Variants in TNR observed in about 807,000 individuals in gnomAD.
TNR encodes tenascin-R.
TNR carries 45 observed loss-of-function variants against 150.4 expected under a neutral mutation model. That is an observed-to-expected ratio of 0.30 (90% CI 0.24 to 0.38). The LOEUF (loss-of-function observed/expected upper bound fraction) is 0.38, where lower values mean the gene tolerates loss of function less well. TNR is among the 10% of genes least tolerant of loss of function. The pLI is 1.00. For synonymous variants in TNR, 687 were observed against 678.4 expected (o/e 1.01, Z -0.20); for missense variants, 1,544 against 1,759.1 (o/e 0.88, Z 2.19).
intron 1 of TNR, among the ~76,000 whole-genome samples, chr1:175,579,163 TCTTTCC>T (rs1662239416): frequency 7.1e-6 from 1 of 140,878 alleles, no homozygotes; most frequent in Non-Finnish European, 1.5e-5. Flanking sequence ...CTTCGTTCCT[TCTTTCC>T]TTCCTTCCTT....
intron 2 of TNR, among the ~76,000 whole-genome samples, chr1:175,413,352 C>T (rs991607140): frequency 6.6e-6 from 1 of 152,186 alleles, no homozygotes; most frequent in African/African-American, 2.4e-5. Flanking sequence ...GTGATGCTGT[C>T]GGGCAGATTT....
Position 175,716,045 on chromosome 1 carries a change from C to T in TNR, c.-165+27181G>A, listed in dbSNP as rs183225289. The stretch of plus-strand genomic sequence containing the variant: ...ACTCTGTTGCCCATTGCCCATCCCC[C>T]GCAGACACTGGCCTTGGCTAATGCA... On this transcript the variant is annotated intron_variant, in intron 1 of 22. Coordinates refer to ENST00000367674, the MANE Select transcript of TNR (RefSeq NM_003285.3). Among the ~76,000 whole-genome samples the T allele has an allele frequency of 1.6e-4, 25 of 152,290 alleles. 1 individual carries two copies. Among genetic ancestry groups the T allele is most frequent in the African/African-American group, 4.8e-4 (20 of 41,560 alleles).
chr1:175,552,063 C>G (rs1401739099), intron 1 of TNR, among the ~76,000 whole-genome samples: 1 of 152,170 alleles, frequency 6.6e-6, no homozygotes, highest in Non-Finnish European at 1.5e-5. Context: ...AAAGTTGTTG[C>G]CCCTGAGGAA....
intron 2 of TNR, among the ~76,000 whole-genome samples, chr1:175,522,628 G>T (rs914352292): frequency 1.3e-5 from 2 of 152,106 alleles, no homozygotes; most frequent in Non-Finnish European, 2.9e-5. Flanking sequence ...AAACAATGAA[G>T]TTGACACAGT....
chr1:175,410,393 C>T (rs979518334), intron 2 of TNR, among the ~76,000 whole-genome samples: 10 of 152,228 alleles, frequency 6.6e-5, no homozygotes, highest in African/African-American at 1.9e-4. Flanking sequence ...CTCTCATTTT[C>T]ATGGAGGAGA....
intron 1 of TNR, among the ~76,000 whole-genome samples, chr1:175,573,109 G>A (rs1056206997): frequency 4.6e-5 from 7 of 152,204 alleles, no homozygotes; most frequent in South Asian, 2.1e-4. Context: ...TCTGATTAGC[G>A]TGCCTAAGCA....
At chr1:175,591,666 T>C (rs544938860) in intron 1 of TNR, among the ~76,000 whole-genome samples, 1 of 152,356 alleles carries the variant, frequency 6.6e-6, no homozygotes, top group African/African-American at 2.4e-5. Flanking sequence ...AGTCAGCCAA[T>C]GTGGTTTTGA....
chr1:175,397,382 G>A (rs1369895712), intron 4 of TNR, among the ~76,000 whole-genome samples: 3 of 152,144 alleles, frequency 2.0e-5, no homozygotes, highest in Non-Finnish European at 2.9e-5. Context: ...GCTACACAAC[G>A]GGGCTTTTAA....
rs572803919 is a variant in TNR, at chr1:175,558,267, TATA to T, written c.-164-29901_-164-29899del. ...TGCACATGTACCCTAAAACTTAAAG[TATA>T]ATAATAAAAAAAAAAGATAGCCATT... On this transcript the variant is annotated intron_variant, in intron 1 of 22. Coordinates refer to ENST00000367674, the MANE Select transcript of TNR (RefSeq NM_003285.3). Among the ~76,000 whole-genome samples, 154 of 134,450 alleles carry T rather than the reference TATA, an allele frequency of 1.1e-3. 1 individual carries two copies. The East Asian group carries it at 0.028, about 25-fold the overall frequency. 88.2% of individuals were successfully genotyped at this position (134,450 alleles called of 152,430 possible). A position where few individuals can be genotyped will look rare whatever the true frequency, so the allele number is the denominator to read the frequency against.
intron 2 of TNR, among the ~76,000 whole-genome samples, chr1:175,468,678 C>T (rs1657140920): frequency 1.3e-5 from 2 of 152,070 alleles, no homozygotes; most frequent in Non-Finnish European, 2.9e-5. Flanking sequence ...AAGAGGCATT[C>T]TAGGTAGGAG....
In TNR at chr1:175,365,170, G is replaced by A. The variant is rs766547756; in HGVS notation, c.2427C>T (p.Ser809=). The A allele has an allele frequency of 3.7e-6, 6 of 1,614,144 alleles. No homozygotes were observed. The South Asian group carries it at 6.6e-5, about 18-fold the overall frequency. Residue 809 remains serine (S), a synonymous_variant, in exon 12 of 23, where the codon AGC becomes AGT. Coordinates refer to ENST00000367674, the MANE Select transcript of TNR (RefSeq NM_003285.3). ...TCATCTCTTCCTCCTCATCCCTGGG[G>A]CTGTAGTTAAGAATGAGTCTGTCTG... is the stretch of plus-strand genomic sequence containing the variant. The part of the protein sequence containing the change: ...PPADRLILNY[S]PRDEEEEMME...
chr1:175,461,119 T>G (rs978552283), intron 2 of TNR, among the ~76,000 whole-genome samples: 2 of 152,208 alleles, frequency 1.3e-5, no homozygotes, highest in African/African-American at 4.8e-5. Context: ...AATCGCTCCC[T>G]TCCTGGTCCC....
intron 9 of TNR, among the ~76,000 whole-genome samples, chr1:175,376,337 T>C (rs562361613): frequency 6.6e-6 from 1 of 152,234 alleles, no homozygotes; most frequent in Admixed American, 6.5e-5. Context: ...ACTCGTTAAA[T>C]GTATTGCCTC....
chr1:175,381,581 A>T (rs2102027312), intron 8 of TNR, among the ~76,000 whole-genome samples: 1 of 152,312 alleles, frequency 6.6e-6, no homozygotes, highest in Non-Finnish European at 1.5e-5. Context: ...TCTGGCCTTG[A>T]AGTCTGACCT....
chr1:175,607,539 T>C (rs1312969002), intron 1 of TNR, among the ~76,000 whole-genome samples: 1 of 152,234 alleles, frequency 6.6e-6, no homozygotes, highest in Non-Finnish European at 1.5e-5. Flanking sequence ...TACTGGCTTG[T>C]AGCTACATCT....
At chr1:175,611,652 T>G (rs1313965165) in intron 1 of TNR, among the ~76,000 whole-genome samples, 1 of 152,114 alleles carries the variant, frequency 6.6e-6, no homozygotes, top group South Asian at 2.1e-4. Context: ...TCTCTCTTGA[T>G]CTCCATCTCT....
At chr1:175,642,333 G>A (rs1465997672) in intron 1 of TNR, among the ~76,000 whole-genome samples, 1 of 152,216 alleles carries the variant, frequency 6.6e-6, no homozygotes, top group African/African-American at 2.4e-5. Flanking sequence ...AAGCTAGGAA[G>A]CATGAAACTG....
intron 17 of TNR, among the ~76,000 whole-genome samples, chr1:175,354,753 A>T (rs547354571): frequency 3.9e-5 from 6 of 152,348 alleles, no homozygotes; most frequent in African/African-American, 1.2e-4. Context: ...GGATAAATTT[A>T]GGTACCTGCA....
intron 3 of TNR, among the ~76,000 whole-genome samples, chr1:175,404,187 T>C (rs1272330244): frequency 6.6e-6 from 1 of 152,124 alleles, no homozygotes; most frequent in African/African-American, 2.4e-5. Flanking sequence ...AGGACAGCCT[T>C]CTCACCAGGA....
Sources: allele counts gnomAD v4.1 joint callset (sites outside exome capture counted in the v4.1 genomes callset), GRCh38; gene constraint gnomAD v4.1.1; transcripts MANE v1.5; gene names NCBI Gene and HGNC (gene_info 2026-07-23, HGNC 2026-07-21).